Variants in LPIN2 observed in about 807,000 individuals in gnomAD.
LPIN2 encodes lipin 2, also known as phosphatidate phosphatase LPIN2.
A neutral mutation model predicts 111.4 loss-of-function variants in LPIN2; 55 were observed. The observed-to-expected ratio is 0.49, with a 90% CI of 0.40 to 0.62. The LOEUF (loss-of-function observed/expected upper bound fraction) is 0.62, where lower values mean the gene tolerates loss of function less well. Among genes scored for constraint, LPIN2 ranks in the 20% least tolerant of loss-of-function variants. The pLI, the probability that LPIN2 is intolerant of heterozygous loss-of-function variation, is 0.00. For synonymous variants in LPIN2, 425 were observed against 414.0 expected, an observed-to-expected ratio of 1.03 and a Z score of -0.32; for missense variants, 992 against 1,112.1, an observed-to-expected ratio of 0.89 and a Z score of 1.54.
rs757315664 is a variant in LPIN2 at position 2,920,367 on chromosome 18, G to C, written c.2617C>G (p.Pro873Ala). The part of the protein sequence containing the change: ...LLSKEQNSAF[P>A]CPEFSSFCYW... ...CAGAAGGAGCTGAACTCCGGGCAGG[G>C]AAAAGCGGAATTCTGCTCCTTACTG... The change falls in exon 20 of 20, where the codon CCC (proline) becomes GCC (alanine). Residue 873 changes from proline to alanine, a missense_variant. Coordinates refer to ENST00000677752, the MANE Select transcript of LPIN2 (RefSeq NM_001375808.2). 6.2e-7 allele frequency: 1 copy of C among 1,614,150 alleles called. No homozygotes were observed. The highest frequency in any genetic ancestry group is 1.7e-5 in the Admixed American group (1 of 60,032).
chr18:3,009,475 G>T (rs2078567048), intron 1 of LPIN2, among the ~76,000 whole-genome samples: 1 of 151,846 alleles, frequency 6.6e-6, no homozygotes, highest in African/African-American at 2.4e-5. Context: ...GTCTCGCTCT[G>T]TCACCCAGGC....
intron 10 of LPIN2, 133 bp from the exon 11 acceptor site, chr18:2,928,793 C>G: frequency 1.3e-6 from 1 of 774,548 alleles, no homozygotes; most frequent in Non-Finnish European, 2.2e-6. Flanking sequence ...AGATGATCAG[C>G]TGAATTTTTT....
At chr18:2,952,065 T>C (rs2077545572) in intron 3 of LPIN2, among the ~76,000 whole-genome samples, 2 of 152,236 alleles carry the variant, frequency 1.3e-5, no homozygotes, top group South Asian at 2.1e-4. Context: ...AGTAAATTCA[T>C]GTCTTAGCCA....
intron 2 of LPIN2, among the ~76,000 whole-genome samples, chr18:2,958,163 A>AAAAAAAAAAAC (rs2077648426): frequency 2.8e-5 from 4 of 142,664 alleles, no homozygotes; most frequent in Non-Finnish European, 6.2e-5. Context: ...AAAAACAACA[A>AAAAAAAAAAAC]AAAAAAAAAA....
intron 2 of LPIN2, 36 bp downstream of exon 2, chr18:2,960,613 C>T (rs773889189): frequency 6.3e-5 from 101 of 1,601,936 alleles, no homozygotes; most frequent in Non-Finnish European, 1.7e-6. Context: ...CTCTTTGAAT[C>T]TCAGGATGAC....
chr18:2,993,979 G>A (rs2078303873), intron 1 of LPIN2, among the ~76,000 whole-genome samples: 2 of 152,150 alleles, frequency 1.3e-5, no homozygotes, highest in Admixed American at 1.3e-4. Context: ...AAACCACACT[G>A]CTATTTGAAA....
chr18:2,951,258 T>A lies in LPIN2; in HGVS notation c.387A>T (p.Glu129Asp). 6.2e-7 allele frequency: 1 copy of A among 1,614,014 alleles called. No individual in the cohort carries two copies. Among genetic ancestry groups the A allele is most frequent in the African/African-American group, 1.3e-5 (1 of 75,016 alleles). ...DTPLVKSGGD[E>D]TPSQSSDISH... ...AGATGTCTGAACTCTGAGATGGTGT[T>A]TCATCTCCACCCGATTTCACCAAAG... Residue 129 changes from glutamate (E) to aspartate (D), a missense_variant, in exon 4 of 20, where the codon GAA becomes GAT. Physicochemically the swap from Glu to Asp is conservative, Grantham distance 45. This residue lies in a region of LPIN2 where 709 missense variants were observed against 753.2 expected (regional missense o/e 0.94). Coordinates refer to ENST00000677752, the MANE Select transcript of LPIN2 (RefSeq NM_001375808.2).
intron 9 of LPIN2, 89 bp from the exon 10 acceptor site, chr18:2,929,247 G>C: frequency 1.1e-6 from 1 of 889,874 alleles, no homozygotes; most frequent in Non-Finnish European, 1.8e-6. Flanking sequence ...AGAAATTGAA[G>C]GCTAAAATCA....
At chr18:2,973,198 C>CA (rs368816797) in intron 1 of LPIN2, among the ~76,000 whole-genome samples, 24 of 145,592 alleles carry the variant, frequency 1.6e-4, no homozygotes, top group Middle Eastern at 3.5e-3. Flanking sequence ...TTTCTTAAAA[C>CA]AAAAAAAAAA....
At chr18:2,977,961 G>A (rs1401085134) in intron 1 of LPIN2, among the ~76,000 whole-genome samples, 1 of 152,138 alleles carries the variant, frequency 6.6e-6, no homozygotes, top group Admixed American at 6.5e-5. Context: ...GGGAGGCCAA[G>A]GAAGGTGGAT....
intron 4 of LPIN2, chr18:2,946,799 T>C (rs978603684): frequency 1.5e-5 from 7 of 451,694 alleles, no homozygotes; most frequent in Non-Finnish European, 2.0e-5. Context: ...CTAACTCTGT[T>C]AACAACGTCT....
chr18:2,924,526 A>G lies in LPIN2; in HGVS notation c.1959T>C (p.Asp653=). The change falls in exon 15 of 20, where the codon GAT becomes GAC. Residue 653 remains aspartate (D), a synonymous_variant. Transcript: ENST00000677752. ...SDQIAKLKLH[D]GPNDVVFSIT... is the part of the protein sequence containing the mutation. ...TACTAAACACAACATCATTTGGGCC[A>G]TCGTGGAGCTTCAGTTTTGCCTTTT... 1.9e-6 allele frequency: 3 copies of G among 1,614,262 alleles called. No homozygotes were observed. In the South Asian group the frequency reaches 3.3e-5, roughly 18 times the overall value.
chr18:2,944,243 C>T (rs1462881598), intron 4 of LPIN2, among the ~76,000 whole-genome samples: 1 of 146,678 alleles, frequency 6.8e-6, no homozygotes, highest in African/African-American at 2.5e-5. Context: ...AAAAAAAAAA[C>T]TCCAAAACAA....
At chr18:2,947,973 C>T (rs962810135) in intron 4 of LPIN2, among the ~76,000 whole-genome samples, 6 of 152,188 alleles carry the variant, frequency 3.9e-5, no homozygotes, top group East Asian at 1.9e-4. Flanking sequence ...AAGAAACCAA[C>T]GCCCTGAGCG....
Position 2,920,200 on chromosome 18 carries a change from G to C in LPIN2, c.*93C>G. 1 of 1,554,658 alleles carries C rather than the reference G, an allele frequency of 6.4e-7. No homozygotes were observed. The highest frequency in any genetic ancestry group is 8.9e-7 in the Non-Finnish European group (1 of 1,129,902). On this transcript the variant is annotated 3_prime_UTR_variant, in exon 20 of 20. Coordinates refer to ENST00000677752, the MANE Select transcript of LPIN2 (RefSeq NM_001375808.2). ...TCCAGAAGCACCCGTCCCCGCTGGG[G>C]AAGGCTGGTATCTGAGGTCAGCAGA...
At chr18:2,951,469 A>G (rs979303520) in intron 3 of LPIN2, 113 bp from the exon 4 acceptor site, 3 of 905,386 alleles carry the variant, frequency 3.3e-6, no homozygotes, top group Non-Finnish European at 5.1e-6. Context: ...AAAAATACAT[A>G]TTCCCTAAAG....
Position 2,925,143 on chromosome 18 carries a change from G to C in LPIN2, c.1938+81C>G. ...GTGGCGTGTATGCAGCTGGGGACGT[G>C]TGGACAGAAGAGGATGTGCATCAAA... On this transcript the variant is annotated intron_variant, in intron 14 of 19. Transcript: ENST00000677752. The surrounding 1 kb of genome is among the most constrained non-coding windows in gnomAD (Gnocchi z 4.1). 3 of 1,549,358 alleles carry C rather than the reference G, an allele frequency of 1.9e-6. No homozygotes were observed. The highest frequency in any genetic ancestry group is 1.7e-5 in the Admixed American group (1 of 59,768).
intron 1 of LPIN2, among the ~76,000 whole-genome samples, chr18:2,993,050 T>A (rs532799718): frequency 3.4e-5 from 5 of 146,122 alleles, no homozygotes; most frequent in Non-Finnish European, 7.5e-5. Context: ...GAGGCTGAGG[T>A]GGGAGGATGG....
chr18:2,918,820 A>G lies in LPIN2; in HGVS notation c.*1473T>C, dbSNP rs540306659. On this transcript the variant is annotated 3_prime_UTR_variant, in exon 20 of 20. Coordinates refer to ENST00000677752, the MANE Select transcript of LPIN2 (RefSeq NM_001375808.2). ...AGATCAGCATTATTTTAGGTGAAGC[A>G]AACTAAAACATGTAGAGGTTCCACT... 1 of 152,230 alleles carries G rather than the reference A, an allele frequency of 6.6e-6. No homozygotes were observed. Among genetic ancestry groups the G allele is most frequent in the Non-Finnish European group, 1.5e-5 (1 of 68,042 alleles). 9.4% of individuals were successfully genotyped at this position (152,230 alleles called of 1,614,324 possible). A position where few individuals can be genotyped will look rare whatever the true frequency, so the allele number is the denominator to read the frequency against.
Sources: allele counts gnomAD v4.1 joint callset (sites outside exome capture counted in the v4.1 genomes callset), GRCh38; gene constraint gnomAD v4.1.1; regional missense constraint gnomAD v4.1.1; non-coding constraint Gnocchi (gnomAD v3.1); transcripts MANE v1.5; gene names NCBI Gene and HGNC (gene_info 2026-07-23, HGNC 2026-07-21).